Variants in TBC1D12 observed in about 807,000 individuals in gnomAD.
TBC1D12 encodes TBC1 domain family, member 12.
A neutral mutation model predicts 86.7 loss-of-function variants in TBC1D12; 56 were observed. The ratio of observed to expected loss-of-function variants is 0.65; its 90% CI spans 0.52 to 0.81. The LOEUF (loss-of-function observed/expected upper bound fraction) is 0.81, where lower values mean the gene tolerates loss of function less well. Among genes scored for constraint, TBC1D12 ranks in the 30% least tolerant of loss-of-function variants. The pLI is 0.00. For synonymous variants in TBC1D12, 421 were observed against 411.7 expected, an observed-to-expected ratio of 1.02 and a Z score of -0.27; for missense variants, 1,023 against 1,038.8, an observed-to-expected ratio of 0.98 and a Z score of 0.21.
At chr10:94,404,582 G>C (rs952267707) in intron 1 of TBC1D12, among the ~76,000 whole-genome samples, 2 of 151,500 alleles carry the variant, frequency 1.3e-5, no homozygotes, top group Middle Eastern at 6.8e-3. Context: ...GGAGGTAGAG[G>C]TTGCAGTGAA....
At chr10:94,512,234 A>G (rs7082254) in intron 9 of TBC1D12, among the ~76,000 whole-genome samples, 3,505 of 152,304 alleles carry the variant, frequency 0.023, 133 homozygotes, top group African/African-American at 0.077. Context: ...CTAAAATACT[A>G]TTAACTATCT....
chr10:94,428,800 C>T (rs1418106239), intron 1 of TBC1D12, among the ~76,000 whole-genome samples: 1 of 151,468 alleles, frequency 6.6e-6, no homozygotes, highest in African/African-American at 2.4e-5. Flanking sequence ...GCCTTGACTT[C>T]GCAGGCTTAC....
At chr10:94,448,950 A>G (rs2055510422) in intron 2 of TBC1D12, among the ~76,000 whole-genome samples, 2 of 152,232 alleles carry the variant, frequency 1.3e-5, no homozygotes. Flanking sequence ...GGATTTCATA[A>G]AAAATAATTT....
intron 3 of TBC1D12, among the ~76,000 whole-genome samples, chr10:94,484,346 C>G (rs1330872987): frequency 1.3e-5 from 2 of 150,796 alleles, no homozygotes; most frequent in Non-Finnish European, 2.9e-5. Context: ...CTCCTGGGTT[C>G]AAGCGATTCT....
chr10:94,527,082 T>TTTTGTG, intron 11 of TBC1D12, among the ~76,000 whole-genome samples: 1 of 148,346 alleles, frequency 6.7e-6, no homozygotes, highest in East Asian at 2.0e-4. Flanking sequence ...GCTGGATTGA[T>TTTTGTG]TGTGTGTGTG....
Position 94,403,178 on chromosome 10 carries a change from T to A in TBC1D12, c.565T>A (p.Ser189Thr). The change falls in exon 1 of 13, where the codon TCC becomes ACC. Residue 189 changes from serine to threonine, a missense_variant. Transcript: ENST00000225235. ...DEDADGAGSP[S>T]DWASPLEDPL... ...GGACGCGGACGGCGCGGGAAGCCCG[T>A]CCGATTGGGCCTCTCCGCTTGAGGA... The A allele has an allele frequency of 6.8e-7, 1 of 1,467,860 alleles. No homozygotes were observed. The highest frequency in any genetic ancestry group is 9.0e-7 in the Non-Finnish European group (1 of 1,113,938). The allele number at this position is 1,467,860 out of a possible 1,614,324, so 90.9% of individuals were successfully genotyped here. A position where few individuals can be genotyped will look rare whatever the true frequency, so the allele number is the denominator to read the frequency against.
At position 94,531,416 on chromosome 10, in the gene TBC1D12, A is replaced by G; in HGVS notation, c.2215A>G (p.Ile739Val). 6.2e-7 allele frequency: 1 copy of G among 1,614,092 alleles called. No homozygotes were observed. The highest frequency in any genetic ancestry group is 8.5e-7 in the Non-Finnish European group (1 of 1,179,996). ...CACATCGGAAAAGCTGTTCAGTTGT[A>G]TTGCAGCCATTCAGATGCAGAATAG... is the stretch of plus-strand genomic sequence containing the variant. ...DITSEKLFSC[I>V]AAIQMQNSTK... Residue 739 changes from isoleucine to valine, a missense_variant, in exon 12 of 13, where the codon ATT (isoleucine) becomes GTT (valine). Coordinates refer to ENST00000225235, the MANE Select transcript of TBC1D12 (RefSeq NM_015188.2).
chr10:94,522,215 G>A, intron 10 of TBC1D12, 129 bp from the exon 11 acceptor site: 4 of 1,251,068 alleles, frequency 3.2e-6, no homozygotes, highest in Non-Finnish European at 4.3e-6. Flanking sequence ...ATTAATGAAT[G>A]TTTGCTGAGA....
At chr10:94,432,849 A>G (rs2055237230) in intron 1 of TBC1D12, among the ~76,000 whole-genome samples, 1 of 151,684 alleles carries the variant, frequency 6.6e-6, no homozygotes, top group African/African-American at 2.4e-5. Context: ...CCACTGAAAG[A>G]CTTACTGTTA....
At chr10:94,417,844 G>T (rs1216505405) in intron 1 of TBC1D12, among the ~76,000 whole-genome samples, 3 of 151,256 alleles carry the variant, frequency 2.0e-5, no homozygotes, top group Non-Finnish European at 4.4e-5. Context: ...CACCTCCCGG[G>T]TTCACGCCAT....
chr10:94,506,466 C>A (rs527263792), intron 6 of TBC1D12, among the ~76,000 whole-genome samples: 2 of 152,124 alleles, frequency 1.3e-5, no homozygotes, highest in Non-Finnish European at 2.9e-5. Context: ...TTGGGCAAGA[C>A]GTATTTTTTC....
chr10:94,467,673 A>G (rs11187968), intron 2 of TBC1D12, among the ~76,000 whole-genome samples: 24,167 of 152,092 alleles, frequency 0.16, 2,256 homozygotes, highest in East Asian at 0.39. Flanking sequence ...TAAACCTTCA[A>G]TGCATGTCCT....
At chr10:94,497,845 C>T (rs1298078908) in intron 5 of TBC1D12, among the ~76,000 whole-genome samples, 2 of 140,012 alleles carry the variant, frequency 1.4e-5, no homozygotes, top group Admixed American at 7.4e-5. Context: ...TTTTCTGAGA[C>T]GGAGTCTCGC....
At chr10:94,424,082 A>G (rs1265452153) in intron 1 of TBC1D12, among the ~76,000 whole-genome samples, 3 of 152,368 alleles carry the variant, frequency 2.0e-5, no homozygotes, top group Admixed American at 6.5e-5. Context: ...AAAGTATACA[A>G]GAAGATGTGT....
chr10:94,442,599 T>C (rs1040255774), intron 2 of TBC1D12, among the ~76,000 whole-genome samples: 3 of 152,192 alleles, frequency 2.0e-5, no homozygotes, highest in Non-Finnish European at 4.4e-5. Context: ...TTTCTGATCT[T>C]ATTTGACTTC....
At chr10:94,411,348 C>G (rs896704287) in intron 1 of TBC1D12, among the ~76,000 whole-genome samples, 1 of 152,098 alleles carries the variant, frequency 6.6e-6, no homozygotes, top group South Asian at 2.1e-4. Flanking sequence ...ACTTCCAGAC[C>G]ATGAGTTATT....
intron 8 of TBC1D12, among the ~76,000 whole-genome samples, chr10:94,511,175 G>T (rs1240468278): frequency 7.1e-6 from 1 of 141,572 alleles, no homozygotes; most frequent in Non-Finnish European, 1.5e-5. Flanking sequence ...CTGGCTCAGT[G>T]CAACCACTGC....
At chr10:94,522,859 C>T (rs1002723597) in intron 11 of TBC1D12, among the ~76,000 whole-genome samples, 3 of 151,932 alleles carry the variant, frequency 2.0e-5, no homozygotes, top group East Asian at 1.9e-4. Context: ...GCCTGACTAA[C>T]ATGGTGAAAC....
Position 94,518,412 on chromosome 10 carries a change from G to A in TBC1D12, c.1762-3543G>A, listed in dbSNP as rs566136959. Among the ~76,000 whole-genome samples, 5 of 151,016 alleles carry A rather than the reference G, an allele frequency of 3.3e-5. No individual in the cohort carries two copies. The South Asian group carries it at 8.3e-4, about 25-fold the overall frequency. The stretch of plus-strand genomic sequence containing the variant: ...TATTTTTAGTAGAGAACCAGTCAGG[G>A]TCATGTGTGGTATTTAGTTGTTCTT... On this transcript the variant is annotated intron_variant, in intron 9 of 12. Coordinates refer to ENST00000225235, the MANE Select transcript of TBC1D12 (RefSeq NM_015188.2).
Sources: gnomAD v4.1 joint callset for allele counts (sites outside exome capture counted in the v4.1 genomes callset) on GRCh38, gnomAD v4.1.1 for gene constraint, MANE v1.5 for transcripts, NCBI Gene and HGNC (gene_info 2026-07-23, HGNC 2026-07-21) for gene names.